The following KLHL32 variants were observed in gnomAD, a reference collection of about 807,000 sequenced individuals.
The protein encoded by KLHL32 is kelch like family member 32, also known as kelch-like protein 32.
KLHL32 carries 35 observed loss-of-function variants against 64.8 expected under a neutral mutation model. That is an observed-to-expected ratio of 0.54 (90% CI 0.41 to 0.72). The LOEUF is 0.72. KLHL32 is among the 30% of genes least tolerant of loss of function. The probability of loss-of-function intolerance (pLI) is 0.00; values close to 1 mark genes in which losing one functional copy is unlikely to be tolerated. For missense variants in KLHL32, 589 were observed against 768.5 expected (o/e 0.77, Z 2.76); for synonymous variants, 259 against 281.0 (o/e 0.92, Z 0.78).
intron 3 of KLHL32, among the ~76,000 whole-genome samples, chr6:96,996,024 G>C (rs1438043463): frequency 6.6e-6 from 1 of 152,186 alleles, no homozygotes; most frequent in African/African-American, 2.4e-5. Flanking sequence ...TCGAGTGGTG[G>C]GGACAAGTCA....
intron 2 of KLHL32, among the ~76,000 whole-genome samples, chr6:96,968,965 A>G (rs1313816222): frequency 6.6e-6 from 1 of 152,200 alleles, no homozygotes; most frequent in African/African-American, 2.4e-5. Flanking sequence ...CACAGCCACA[A>G]AAACAACAAA....
intron 3 of KLHL32, among the ~76,000 whole-genome samples, chr6:97,037,348 A>G (rs1784446371): frequency 6.6e-6 from 1 of 152,118 alleles, no homozygotes; most frequent in Admixed American, 6.6e-5. Context: ...ATCAGTTTAT[A>G]TTGTCCATCT....
chr6:96,929,254 T>C (rs1769546259), intron 1 of KLHL32, among the ~76,000 whole-genome samples: 1 of 152,176 alleles, frequency 6.6e-6, no homozygotes, highest in South Asian at 2.1e-4. Flanking sequence ...TTAATTCCTA[T>C]CAAGTACAAT....
At chr6:96,938,845 T>C (rs1215213716) in intron 1 of KLHL32, among the ~76,000 whole-genome samples, 5 of 152,208 alleles carry the variant, frequency 3.3e-5, no homozygotes, top group African/African-American at 1.2e-4. Context: ...TAAGTTTCAT[T>C]GTCTAGTGCC....
At chr6:96,968,159 G>A (rs981567593) in intron 2 of KLHL32, among the ~76,000 whole-genome samples, 1 of 152,086 alleles carries the variant, frequency 6.6e-6, no homozygotes, top group South Asian at 2.1e-4. Context: ...CAGGTGTAAC[G>A]CCTCTGCACT....
chr6:96,919,646 A>G (rs1768690867), upstream of KLHL32, among the ~76,000 whole-genome samples: 1 of 152,208 alleles, frequency 6.6e-6, no homozygotes, highest in Admixed American at 6.5e-5. Context: ...GTGTTATAAT[A>G]GCCACTTTTA....
intron 4 of KLHL32, among the ~76,000 whole-genome samples, chr6:97,057,377 T>C (rs1404519878): frequency 9.1e-6 from 1 of 110,332 alleles, no homozygotes; most frequent in Non-Finnish European, 1.8e-5. Context: ...AGAGACGGGG[T>C]TTCACTGTGT....
intron 3 of KLHL32, among the ~76,000 whole-genome samples, chr6:96,986,666 C>A (rs1431449083): frequency 6.6e-6 from 1 of 152,158 alleles, no homozygotes; most frequent in Non-Finnish European, 1.5e-5. Context: ...TAGGACCCTC[C>A]AAGCAATGCA....
At chr6:96,921,645 A>G (rs1464394270), upstream of KLHL32, among the ~76,000 whole-genome samples, 1 of 152,228 alleles carries the variant, frequency 6.6e-6, no homozygotes, top group Non-Finnish European at 1.5e-5. Flanking sequence ...ATTAAGAATG[A>G]CAATTTCCTC....
the KLHL32 span, among the ~76,000 whole-genome samples, chr6:96,899,399 G>A: frequency 6.6e-5 from 10 of 152,056 alleles, no homozygotes; most frequent in South Asian, 4.1e-4. Context: ...GTAGCAATTC[G>A]ACTCACTGCC....
chr6:96,898,299 A>G, the KLHL32 span, among the ~76,000 whole-genome samples: 1 of 152,248 alleles, frequency 6.6e-6, no homozygotes, highest in African/African-American at 2.4e-5. Context: ...GAGTTAGCCG[A>G]TAAAAATGGA....
At chr6:96,954,959 C>T (rs1360179663) in intron 1 of KLHL32, among the ~76,000 whole-genome samples, 1 of 152,148 alleles carries the variant, frequency 6.6e-6, no homozygotes, top group East Asian at 1.9e-4. Context: ...ATTCTGAAGC[C>T]TGGAAAGTCA....
At chr6:97,023,079 C>T (rs980803666) in intron 3 of KLHL32, among the ~76,000 whole-genome samples, 2 of 152,166 alleles carry the variant, frequency 1.3e-5, no homozygotes, top group Admixed American at 6.5e-5. Flanking sequence ...ATCCAATCAC[C>T]TCCCACCAGG....
intron 1 of KLHL32, among the ~76,000 whole-genome samples, chr6:96,956,284 A>C (rs915004459): frequency 5.3e-5 from 8 of 152,194 alleles, no homozygotes; most frequent in African/African-American, 1.9e-4. Flanking sequence ...AGAAAGTTTC[A>C]TTTTTATGCC....
chr6:97,010,019 T>C (rs1011698366), intron 3 of KLHL32, among the ~76,000 whole-genome samples: 3 of 150,602 alleles, frequency 2.0e-5, no homozygotes, highest in African/African-American at 7.3e-5. Context: ...GACTTCTGTT[T>C]AGCCTCACAC....
chr6:97,012,097 C>T (rs1780485491), intron 3 of KLHL32, among the ~76,000 whole-genome samples: 1 of 152,178 alleles, frequency 6.6e-6, no homozygotes, highest in African/African-American at 2.4e-5. Flanking sequence ...CTCCATTTTC[C>T]ATTATACCAA....
chr6:96,940,185 T>C (rs1348027590), intron 1 of KLHL32, among the ~76,000 whole-genome samples: 2 of 152,170 alleles, frequency 1.3e-5, no homozygotes, highest in African/African-American at 2.4e-5. Context: ...CTTTAGGACG[T>C]TGAGATGAAG....
chr6:97,093,561 G>A (rs2128188194), intron 6 of KLHL32, among the ~76,000 whole-genome samples: 1 of 152,296 alleles, frequency 6.6e-6, no homozygotes, highest in East Asian at 1.9e-4. Context: ...ACTCTGTAAT[G>A]AGTGAGCCAG....
chr6:97,066,246 A>G (rs1020609794), intron 5 of KLHL32, among the ~76,000 whole-genome samples: 5 of 152,190 alleles, frequency 3.3e-5, no homozygotes, highest in Non-Finnish European at 7.3e-5. Flanking sequence ...GCATGCTGAC[A>G]CAGTTTGGTT....
Sources: gnomAD v4.1 joint callset for allele counts (sites outside exome capture counted in the v4.1 genomes callset) on GRCh38, gnomAD v4.1.1 for gene constraint, MANE v1.5 for transcripts, NCBI Gene and HGNC (gene_info 2026-07-23, HGNC 2026-07-21) for gene names.